Variants in GRID2 observed in about 807,000 individuals in gnomAD.
GRID2 encodes the protein glutamate ionotropic receptor delta type subunit 2.
In GRID2, 33 loss-of-function variants were observed where a neutral mutation model predicts 114.8. The ratio of observed to expected loss-of-function variants is 0.29; its 90% CI spans 0.22 to 0.38. The LOEUF (loss-of-function observed/expected upper bound fraction) is 0.38. Among genes scored for constraint, GRID2 ranks in the 10% least tolerant of loss-of-function variants. The probability of loss-of-function intolerance (pLI) is 1.00; values close to 1 mark genes in which losing one functional copy is unlikely to be tolerated. For synonymous variants in GRID2, 505 were observed against 449.9 expected (o/e 1.12, Z -1.55); for missense variants, 1,184 against 1,257.7 (o/e 0.94, Z 0.89).
At chr4:93,238,569 C>A in intron 8 of GRID2, 79 bp downstream of exon 8, 5 of 1,218,944 alleles carry the variant, frequency 4.1e-6, no homozygotes, top group Non-Finnish European at 5.9e-6. Flanking sequence ...AGTATGATCA[C>A]AGTACCCATT....
chr4:93,676,958 G>A (rs1207254813), intron 14 of GRID2, among the ~76,000 whole-genome samples: 1 of 152,106 alleles, frequency 6.6e-6, no homozygotes, highest in Non-Finnish European at 1.5e-5. Context: ...CCATGCACGA[G>A]CCGAAGCAGG....
At chr4:92,740,737 T>A (rs866520675) in intron 2 of GRID2, among the ~76,000 whole-genome samples, 1 of 143,594 alleles carries the variant, frequency 7.0e-6, no homozygotes, top group East Asian at 2.0e-4. Flanking sequence ...GATAGATAGA[T>A]AGATGGATAG....
At chr4:93,674,683 T>G (rs1724700841) in intron 14 of GRID2, among the ~76,000 whole-genome samples, 1 of 152,010 alleles carries the variant, frequency 6.6e-6, no homozygotes, top group Non-Finnish European at 1.5e-5. Context: ...TTTTCTTACA[T>G]AAGAAATTTA....
intron 14 of GRID2, among the ~76,000 whole-genome samples, chr4:93,679,233 C>T (rs1430570861): frequency 6.6e-6 from 1 of 151,136 alleles, no homozygotes; most frequent in African/African-American, 2.5e-5. Flanking sequence ...GCTAACTATC[C>T]TAAATATATA....
chr4:92,947,792 A>G (rs1751749931), intron 2 of GRID2, among the ~76,000 whole-genome samples: 1 of 151,832 alleles, frequency 6.6e-6, no homozygotes, highest in Admixed American at 6.6e-5. Context: ...GTGCATTAGA[A>G]TGGATGGCAT....
chr4:92,305,776 G>C (rs1725369923), intron 1 of GRID2, among the ~76,000 whole-genome samples: 2 of 152,202 alleles, frequency 1.3e-5, no homozygotes, highest in South Asian at 2.1e-4. Context: ...TTGCTAATCC[G>C]TGAGAGCTGA....
At chr4:93,444,554 C>T (rs1440749501) in intron 10 of GRID2, among the ~76,000 whole-genome samples, 1 of 151,872 alleles carries the variant, frequency 6.6e-6, no homozygotes, top group Non-Finnish European at 1.5e-5. Context: ...ACTCAAATTG[C>T]AAGATCAAAC....
At chr4:92,776,273 C>A (rs146293374) in intron 2 of GRID2, among the ~76,000 whole-genome samples, 2 of 152,154 alleles carry the variant, frequency 1.3e-5, no homozygotes, top group East Asian at 3.9e-4. Context: ...GAAAATTAGT[C>A]ACAGTATGAC....
intron 4 of GRID2, among the ~76,000 whole-genome samples, chr4:93,176,352 A>G (rs978184788): frequency 5.3e-5 from 8 of 152,216 alleles, no homozygotes; most frequent in Admixed American, 1.3e-4. Context: ...ATCCTAAATC[A>G]TAAATAGAAA....
intron 2 of GRID2, among the ~76,000 whole-genome samples, chr4:92,927,146 T>G (rs562540032): frequency 1.3e-5 from 2 of 151,888 alleles, no homozygotes; most frequent in Non-Finnish European, 2.9e-5. Context: ...CCAAGTTGAT[T>G]ATAGCTCATA....
intron 1 of GRID2, among the ~76,000 whole-genome samples, chr4:92,551,894 G>C (rs1244010305): frequency 1.3e-5 from 2 of 151,964 alleles, no homozygotes; most frequent in African/African-American, 4.8e-5. Context: ...GAGAGATAAG[G>C]TTTCTCTCTC....
At chr4:93,139,756 ACACACACATT>A (rs1359077999) in intron 4 of GRID2, among the ~76,000 whole-genome samples, 1 of 151,884 alleles carries the variant, frequency 6.6e-6, no homozygotes, top group African/African-American at 2.4e-5. Context: ...ACACACACAC[ACACACACATT>A]CACACACAGA....
chr4:92,960,547 G>A (rs542296878), intron 2 of GRID2, among the ~76,000 whole-genome samples: 14 of 151,920 alleles, frequency 9.2e-5, no homozygotes, highest in Middle Eastern at 3.4e-3. Flanking sequence ...TTGCTCTGAC[G>A]TCGGCTCTGT....
intron 14 of GRID2, among the ~76,000 whole-genome samples, chr4:93,726,061 T>G (rs1164991971): frequency 3.3e-5 from 5 of 152,262 alleles, no homozygotes; most frequent in Non-Finnish European, 7.3e-5. Context: ...TCCTTGCCCA[T>G]GCCTATGTCC....
intron 1 of GRID2, among the ~76,000 whole-genome samples, chr4:92,396,298 G>C (rs919908125): frequency 2.0e-5 from 3 of 151,886 alleles, no homozygotes; most frequent in Admixed American, 1.3e-4. Context: ...AGAGCTTGTA[G>C]TGCATTATAT....
intron 14 of GRID2, among the ~76,000 whole-genome samples, chr4:93,696,990 C>T (rs969964895): frequency 1.8e-4 from 28 of 152,256 alleles, no homozygotes; most frequent in South Asian, 4.1e-4. Context: ...TGCATTAACC[C>T]ACTCTATGTT....
chr4:93,156,378 T>C (rs1202263443), intron 4 of GRID2, among the ~76,000 whole-genome samples: 1 of 151,796 alleles, frequency 6.6e-6, no homozygotes, highest in Admixed American at 6.6e-5. Context: ...TTTAGAAATA[T>C]CTGTCAGGCA....
intron 8 of GRID2, among the ~76,000 whole-genome samples, chr4:93,389,755 T>C (rs2149321196): frequency 6.6e-6 from 1 of 152,284 alleles, no homozygotes; most frequent in South Asian, 2.1e-4. Flanking sequence ...TTCTATGAGT[T>C]TGCATTCCCT....
At chr4:92,701,002 A>AAACAAAAC (rs1734650353) in intron 2 of GRID2, among the ~76,000 whole-genome samples, 2 of 151,960 alleles carry the variant, frequency 1.3e-5, no homozygotes, top group African/African-American at 2.4e-5. Flanking sequence ...TCAAAAAAAA[A>AAACAAAAC]AAAAAAAAGA....
Sources: allele counts gnomAD v4.1 joint callset (sites outside exome capture counted in the v4.1 genomes callset), GRCh38; gene constraint gnomAD v4.1.1; transcripts MANE v1.5; gene names NCBI Gene and HGNC (gene_info 2026-07-23, HGNC 2026-07-21).